Variants in AGAP1 observed in about 807,000 individuals in gnomAD.
The protein encoded by AGAP1 is arf-GAP with GTPase, ANK repeat and PH domain-containing protein 1.
Under a neutral mutation model 105.3 loss-of-function variants are expected in AGAP1, and 29 were observed. The ratio of observed to expected loss-of-function variants is 0.28; its 90% confidence interval spans 0.21 to 0.38. The LOEUF (loss-of-function observed/expected upper bound fraction) is 0.38. Ranked by LOEUF, AGAP1 falls within the 10% of genes least tolerant of loss-of-function variation. The probability of loss-of-function intolerance (pLI) is 1.00; values close to 1 mark genes in which losing one functional copy is unlikely to be tolerated. For missense variants in AGAP1, 998 were observed against 1,165.1 expected, an observed-to-expected ratio of 0.86 and a Z score of 2.09; for synonymous variants, 509 against 485.9, an observed-to-expected ratio of 1.05 and a Z score of -0.63.
Position 236,073,224 on chromosome 2 carries a change from T to G in AGAP1, c.2114+23943T>G, listed in dbSNP as rs900856105. On this transcript the variant is annotated intron_variant, in intron 16 of 17. Coordinates refer to ENST00000304032, the MANE Select transcript of AGAP1 (RefSeq NM_001037131.3). The surrounding 1 kb of genome is among the most constrained non-coding windows in gnomAD (Gnocchi z 5.4). ...ATTGGCCAGGCTGGTCTCGAACTCC[T>G]GACCTCGTGAACCACCCGCCTCGGC... Among the ~76,000 whole-genome samples, 1 of 151,878 alleles carries G rather than the reference T, an allele frequency of 6.6e-6. No individual in the cohort carries two copies. The highest frequency in any genetic ancestry group is 1.5e-5 in the Non-Finnish European group (1 of 67,938).
intron 6 of AGAP1, among the ~76,000 whole-genome samples, chr2:235,771,160 C>T (rs1246108985): frequency 1.3e-5 from 2 of 152,138 alleles, no homozygotes; most frequent in East Asian, 1.9e-4. Context: ...CAAGTGATGG[C>T]GATTTTGGAC....
rs1388527754 is a variant in AGAP1 at position 236,105,660 on chromosome 2, A to G, written c.2115-14532A>G. Among the ~76,000 whole-genome samples the G allele has an allele frequency of 3.6e-5, 2 of 55,540 alleles. No individual in the cohort carries two copies. Among genetic ancestry groups the G allele is most frequent in the South Asian group, 7.2e-4 (1 of 1,382 alleles). The allele number at this position is 55,540 out of a possible 152,430, so 36.4% of individuals were successfully genotyped here. ...AACCTCCGCCTCCCGGGTTCACACCATTCTCCCGCGTTCACGCCATTCTCC... is the reference window on the plus strand; with the variant it reads ...AACCTCCGCCTCCCGGGTTCACACCGTTCTCCCGCGTTCACGCCATTCTCC... On this transcript the variant is annotated intron_variant, in intron 16 of 17. Transcript: ENST00000304032. The surrounding 1 kb of genome is among the most constrained non-coding windows in gnomAD (Gnocchi z 4.2).
rs1021651841 is a variant in AGAP1 at position 235,586,413 on chromosome 2, C to T, written c.163+91564C>T. 2.6e-5 allele frequency among the ~76,000 whole-genome samples: 4 copies of T among 152,178 alleles called. No individual in the cohort carries two copies. The highest frequency in any genetic ancestry group is 5.9e-5 in the Non-Finnish European group (4 of 68,032). On this transcript the variant is annotated intron_variant, in intron 1 of 17. Transcript: ENST00000304032. The surrounding 1 kb of genome is among the most constrained non-coding windows in gnomAD (Gnocchi z 4.2). ...GTTGAGCCTGAAGAGGCTGTGACCT[C>T]CCCAAATACTCGGACTCCCCTGTGG...
rs2050114295 is a variant in AGAP1, at chr2:235,883,153, A to G, written c.1051-192A>G. On this transcript the variant is annotated intron_variant, in intron 9 of 17. Coordinates refer to ENST00000304032, the MANE Select transcript of AGAP1 (RefSeq NM_001037131.3). This position sits in a 1 kb window ranked among gnomAD's most constrained non-coding sequence, Gnocchi z 4.5. ...TGTTTAGCAGTTAATTATCCAAAAG[A>G]TCTAGTGTAGCACGTCTCAATGTGT... 6.6e-6 allele frequency among the ~76,000 whole-genome samples: 1 copy of G among 151,942 alleles called. No homozygotes were observed. The highest frequency in any genetic ancestry group is 2.4e-5 in the African/African-American group (1 of 41,368).
rs115107217 is a variant in AGAP1 at position 235,606,327 on chromosome 2, T to C, written c.164-102852T>C. 3.2e-3 allele frequency among the ~76,000 whole-genome samples: 489 copies of C among 152,290 alleles called. 6 individuals carry two copies. The highest frequency in any genetic ancestry group is 0.011 in the African/African-American group (469 of 41,560). Reference sequence around the variant, plus strand: ...GCTGAGAGCCGATCATGTATCTGTTTTTAAGGAAAGCAAAACCTGTTTGCC... The same window carrying C: ...GCTGAGAGCCGATCATGTATCTGTTCTTAAGGAAAGCAAAACCTGTTTGCC... On this transcript the variant is annotated intron_variant, in intron 1 of 17. Coordinates refer to ENST00000304032, the MANE Select transcript of AGAP1 (RefSeq NM_001037131.3).
At chr2:236,016,548 C>T (rs550980885) in intron 13 of AGAP1, among the ~76,000 whole-genome samples, 1 of 152,184 alleles carries the variant, frequency 6.6e-6, no homozygotes. Flanking sequence ...CAAATGGTTC[C>T]CTGAGACTTG....
At chr2:235,923,814 A>G (rs746760129) in intron 11 of AGAP1, among the ~76,000 whole-genome samples, 14 of 152,196 alleles carry the variant, frequency 9.2e-5, no homozygotes, top group Non-Finnish European at 1.6e-4. Flanking sequence ...TTTGGTGGCC[A>G]TGTTTATGTG....
intron 16 of AGAP1, among the ~76,000 whole-genome samples, chr2:236,103,225 C>T (rs2059403674): frequency 6.6e-6 from 1 of 152,190 alleles, no homozygotes; most frequent in Non-Finnish European, 1.5e-5. Flanking sequence ...CCACTGCCTC[C>T]CAGAAAAAGG....
chr2:235,614,765 A>G lies in AGAP1; in HGVS notation c.164-94414A>G, dbSNP rs1245088681. On this transcript the variant is annotated intron_variant, in intron 1 of 17. Transcript: ENST00000304032. The surrounding 1 kb of genome is among the most constrained non-coding windows in gnomAD (Gnocchi z 4.7). ...CACCGTGAATTCTTTTGTGGGAAATAGAACACAGCGTTGGGTACCAAGAGG... is the reference window on the plus strand; with the variant it reads ...CACCGTGAATTCTTTTGTGGGAAATGGAACACAGCGTTGGGTACCAAGAGG... Among the ~76,000 whole-genome samples the G allele has an allele frequency of 6.6e-6, 1 of 152,224 alleles. No individual in the cohort carries two copies. Among genetic ancestry groups the G allele is most frequent in the Non-Finnish European group, 1.5e-5 (1 of 68,048 alleles).
At chr2:235,516,061 G>GCTGCTGCTGCTGCTGCTGCTGCTGCTC (rs1227549141) in intron 1 of AGAP1, among the ~76,000 whole-genome samples, 1 of 95,624 alleles carries the variant, frequency 1.0e-5, no homozygotes. Context: ...CTCCTCTGCT[G>GCTGCTGCTGCTGCTGCTGCTGCTGCTC]CTGCTGCTGC....
At chr2:236,106,071 A>T (rs944662974) in intron 16 of AGAP1, among the ~76,000 whole-genome samples, 1 of 152,214 alleles carries the variant, frequency 6.6e-6, no homozygotes, top group African/African-American at 2.4e-5. Flanking sequence ...CCTCCCAGGG[A>T]CACCTTGCAT....
At position 235,930,249 on chromosome 2, in the gene AGAP1, T is replaced by A. The variant is rs2052656017; in HGVS notation, c.1325-516T>A. ...ATCTGGTTGAAGAGCCTGCATTTCCTCCGTGTCGTGTCTAGGGACTTTGAT... is the reference window on the plus strand; with the variant it reads ...ATCTGGTTGAAGAGCCTGCATTTCCACCGTGTCGTGTCTAGGGACTTTGAT... On this transcript the variant is annotated intron_variant, in intron 11 of 17. Coordinates refer to ENST00000304032, the MANE Select transcript of AGAP1 (RefSeq NM_001037131.3). The surrounding 1 kb of genome is among the most constrained non-coding windows in gnomAD (Gnocchi z 7.9). 6.6e-6 allele frequency among the ~76,000 whole-genome samples: 1 copy of A among 151,528 alleles called. No homozygotes were observed. The highest frequency in any genetic ancestry group is 1.9e-4 in the East Asian group (1 of 5,192).
intron 13 of AGAP1, among the ~76,000 whole-genome samples, chr2:235,999,525 G>A (rs956212211): frequency 2.7e-5 from 4 of 150,458 alleles, no homozygotes; most frequent in East Asian, 2.0e-4. Flanking sequence ...GGTGGTGGTG[G>A]TGATGATGAT....
intron 1 of AGAP1, among the ~76,000 whole-genome samples, chr2:235,564,732 G>A (rs1944287431): frequency 7.0e-6 from 1 of 143,324 alleles, no homozygotes; most frequent in African/African-American, 2.7e-5. Context: ...GGCCAGGTGT[G>A]AGCCTGGACC....
rs1951409254 is a variant in AGAP1 at position 235,721,978 on chromosome 2, C to G, written c.310+4334C>G. On this transcript the variant is annotated intron_variant, in intron 3 of 17. Coordinates refer to ENST00000304032, the MANE Select transcript of AGAP1 (RefSeq NM_001037131.3). The surrounding 1 kb of genome is among the most constrained non-coding windows in gnomAD (Gnocchi z 4.5). ...TGTTACAGTGAAGAGAGCCAACTCA[C>G]AGATTTAGATGATTTTAAAGATGCA... is the stretch of plus-strand genomic sequence containing the variant. Among the ~76,000 whole-genome samples, 1 of 152,152 alleles carries G rather than the reference C, an allele frequency of 6.6e-6. No individual in the cohort carries two copies. The highest frequency in any genetic ancestry group is 2.4e-5 in the African/African-American group (1 of 41,434).
At chr2:236,077,172 C>T (rs912780879) in intron 16 of AGAP1, among the ~76,000 whole-genome samples, 7 of 147,320 alleles carry the variant, frequency 4.8e-5, no homozygotes, top group African/African-American at 1.8e-4. Flanking sequence ...CATATTCCAA[C>T]CCCCGAGAGA....
At position 235,750,368 on chromosome 2, in the gene AGAP1, G is replaced by A. The variant is rs2149710950; in HGVS notation, c.553G>A (p.Ala185Thr). 1 of 1,614,162 alleles carries A rather than the reference G, an allele frequency of 6.2e-7. No homozygotes were observed. The highest frequency in any genetic ancestry group is 8.5e-7 in the Non-Finnish European group (1 of 1,180,016). The change falls in exon 6 of 18, where the codon GCT becomes ACT. Residue 185 changes from alanine to threonine, a missense_variant. By Grantham distance (58) the Ala-to-Thr change is moderately conservative. Transcript: ENST00000304032. The surrounding 1 kb of genome is among the most constrained non-coding windows in gnomAD (Gnocchi z 5.3). ...LVGTQDAISS[A>T]NPRVIDDARA... ...TTCTGTTCCAGATGCCATAAGTTCT[G>A]CTAACCCGAGGGTCATCGATGACGC...
intron 6 of AGAP1, among the ~76,000 whole-genome samples, chr2:235,757,754 A>G (rs1015148235): frequency 1.3e-5 from 2 of 152,162 alleles, no homozygotes; most frequent in East Asian, 3.9e-4. Context: ...CTTTGCTTCC[A>G]GAGATTGAAA....
At chr2:235,935,040 C>G (rs1056564759) in intron 12 of AGAP1, among the ~76,000 whole-genome samples, 1 of 152,100 alleles carries the variant, frequency 6.6e-6, no homozygotes, top group Non-Finnish European at 1.5e-5. Flanking sequence ...GGGCAACCTA[C>G]AAAACAGGAG....
Sources: gnomAD v4.1 joint callset for allele counts (sites outside exome capture counted in the v4.1 genomes callset) on GRCh38, gnomAD v4.1.1 for gene constraint, Gnocchi (gnomAD v3.1) non-coding constraint, MANE v1.5 for transcripts, NCBI Gene and HGNC (gene_info 2026-07-23, HGNC 2026-07-21) for gene names.